SENP6: variants seen among roughly 807,000 people sequenced by gnomAD.
The protein encoded by SENP6 is sentrin-specific protease 6.
In SENP6, 41 loss-of-function variants were observed where a neutral mutation model predicts 134.5. The observed-to-expected ratio is 0.30, with a 90% CI of 0.24 to 0.40. SENP6 has a LOEUF of 0.40. SENP6 is among the 10% of genes least tolerant of loss of function. The pLI is 1.00. For synonymous variants in SENP6, 395 were observed against 429.8 expected (o/e 0.92, Z 1.00); for missense variants, 1,248 against 1,312.5 (o/e 0.95, Z 0.76).
intron 1 of SENP6, among the ~76,000 whole-genome samples, chr6:75,615,829 G>C (rs925027909): frequency 6.6e-6 from 1 of 152,194 alleles, no homozygotes; most frequent in Non-Finnish European, 1.5e-5. Context: ...CTGAGCCTGA[G>C]TTTTGATTTT....
chr6:75,706,462 G>A (rs1366288447), intron 19 of SENP6, among the ~76,000 whole-genome samples: 1 of 152,012 alleles, frequency 6.6e-6, no homozygotes. Flanking sequence ...AAAAGCCTAG[G>A]GTTTCATATA....
intron 1 of SENP6, among the ~76,000 whole-genome samples, chr6:75,604,294 A>G (rs1320506833): frequency 6.6e-6 from 1 of 152,230 alleles, no homozygotes; most frequent in African/African-American, 2.4e-5. Flanking sequence ...TGTCTTAAGC[A>G]TTTTTATAAA....
intron 7 of SENP6, among the ~76,000 whole-genome samples, chr6:75,658,562 A>C (rs925050651): frequency 1.3e-5 from 2 of 152,070 alleles, no homozygotes; most frequent in African/African-American, 4.8e-5. Context: ...GAGTTCATCA[A>C]ATCATTTAAA....
intron 3 of SENP6, among the ~76,000 whole-genome samples, chr6:75,629,590 A>G (rs1447782394): frequency 6.6e-6 from 1 of 152,134 alleles, no homozygotes; most frequent in Non-Finnish European, 1.5e-5. Flanking sequence ...GTGAGCCACC[A>G]TGCCCAGCCA....
At chr6:75,695,988 A>G in intron 17 of SENP6, 65 bp downstream of exon 17, 15 of 1,397,950 alleles carry the variant, frequency 1.1e-5, no homozygotes, top group Non-Finnish European at 1.4e-5. Flanking sequence ...GTGAAAAATC[A>G]CGTACTTGAA....
At chr6:75,702,566 AC>A (rs1775110398) in intron 18 of SENP6, 78 bp from the exon 19 acceptor site, 18 of 1,299,416 alleles carry the variant, frequency 1.4e-5, no homozygotes, top group Non-Finnish European at 1.9e-5. Context: ...TTAGAAAAAA[AC>A]ATTTTAATTG....
In SENP6 at chr6:75,621,616, C is replaced by T; in HGVS notation, c.137C>T (p.Thr46Ile). 2 of 1,591,990 alleles carry T rather than the reference C, an allele frequency of 1.3e-6. No individual in the cohort carries two copies. Among genetic ancestry groups the T allele is most frequent in the Admixed American group, 1.7e-5 (1 of 59,290 alleles). Reference sequence around the variant, plus strand: ...CATGAAGAAGAAAGTGAAGGAGATACAGATAAAGAGTAAGGATTTTTTTTT... The same window carrying T: ...CATGAAGAAGAAAGTGAAGGAGATATAGATAAAGAGTAAGGATTTTTTTTT... The part of the protein sequence containing the change: ...FDHEEESEGD[T>I]DKDGTNLLSV... Residue 46 changes from threonine (T) to isoleucine (I), a missense_variant, in exon 2 of 24, where the codon ACA (threonine) becomes ATA (isoleucine). Transcript: ENST00000447266.
At chr6:75,625,234 C>T (rs1768590834) in intron 3 of SENP6, among the ~76,000 whole-genome samples, 1 of 150,930 alleles carries the variant, frequency 6.6e-6, no homozygotes, top group Non-Finnish European at 1.5e-5. Context: ...GCCTCAGCCA[C>T]ACGAGTAGTT....
chr6:75,651,617 G>C (rs1046757741), intron 7 of SENP6, among the ~76,000 whole-genome samples: 2 of 152,152 alleles, frequency 1.3e-5, no homozygotes, highest in African/African-American at 4.8e-5. Flanking sequence ...CTCCCAAAGT[G>C]CTGGGATTAC....
chr6:75,613,127 A>G (rs1767589020), intron 1 of SENP6, among the ~76,000 whole-genome samples: 1 of 151,150 alleles, frequency 6.6e-6, no homozygotes, highest in Non-Finnish European at 1.5e-5. Context: ...AAAAAAAAAA[A>G]GAAAAGAAAA....
At position 75,707,403 on chromosome 6, in the gene SENP6, G is replaced by A. The variant is rs1582906656; in HGVS notation, c.2717-2124G>A. 4.7e-5 allele frequency among the ~76,000 whole-genome samples: 5 copies of A among 106,688 alleles called. No individual in the cohort carries two copies. The South Asian group carries it at 1.3e-3, about 27-fold the overall frequency. 70.0% of individuals were successfully genotyped at this position (106,688 alleles called of 152,430 possible). ...TTTTGAGACAGGGTCTCACTCTGTT[G>A]CCCAGGCTGGAATGCAGTGGCACAA... On this transcript the variant is annotated intron_variant, in intron 19 of 23. Coordinates refer to ENST00000447266, the MANE Select transcript of SENP6 (RefSeq NM_015571.4).
At chr6:75,609,542 A>G (rs1425730718) in intron 1 of SENP6, among the ~76,000 whole-genome samples, 1 of 152,144 alleles carries the variant, frequency 6.6e-6, no homozygotes, top group Non-Finnish European at 1.5e-5. Context: ...CTATACAGCC[A>G]TCTTTTCTCT....
At chr6:75,652,438 G>C (rs1052204920) in intron 7 of SENP6, among the ~76,000 whole-genome samples, 1 of 151,628 alleles carries the variant, frequency 6.6e-6, no homozygotes, top group Non-Finnish European at 1.5e-5. Flanking sequence ...GTACTGGTAC[G>C]TGCTTTTTAT....
At chr6:75,708,947 C>T (rs902552681) in intron 19 of SENP6, among the ~76,000 whole-genome samples, 9 of 152,218 alleles carry the variant, frequency 5.9e-5, no homozygotes, top group Admixed American at 4.6e-4. Flanking sequence ...GTAAATCTTA[C>T]ATTTCTTTGA....
intron 7 of SENP6, among the ~76,000 whole-genome samples, chr6:75,655,841 G>T (rs1186932040): frequency 2.0e-5 from 3 of 151,946 alleles, no homozygotes; most frequent in Non-Finnish European, 4.4e-5. Flanking sequence ...TATCGAACCT[G>T]TATATAGATC....
chr6:75,702,999 C>G lies in SENP6; in HGVS notation c.2643C>G (p.Ser881=). The G allele has an allele frequency of 6.2e-7, 1 of 1,613,682 alleles. No individual in the cohort carries two copies. Reference sequence around the variant, plus strand: ...AATTCAATAAAGGAGAATCTACATCCCAGAAAGTTGCTGATAGGACTAAAA... The same window carrying G: ...AATTCAATAAAGGAGAATCTACATCGCAGAAAGTTGCTGATAGGACTAAAA... ...NEEFNKGEST[S]QKVADRTKSE... Residue 881 remains serine, a synonymous_variant, in exon 19 of 24, where the codon TCC becomes TCG. Coordinates refer to ENST00000447266, the MANE Select transcript of SENP6 (RefSeq NM_015571.4).
chr6:75,663,335 A>G lies in SENP6; in HGVS notation c.811A>G (p.Thr271Ala). Reference sequence around the variant, plus strand: ...ACAGAAGTCACAAAACACAGGATTAACAACCAAGAAGTTTTATGGCAACAA... The same window carrying G: ...ACAGAAGTCACAAAACACAGGATTAGCAACCAAGAAGTTTTATGGCAACAA... ...GGQKSQNTGL[T>A]TKKFYGNNVE... Residue 271 changes from threonine to alanine, a missense_variant, in exon 9 of 24, where the codon ACA becomes GCA. Thr to Ala is a moderately conservative substitution (Grantham distance 58, BLOSUM62 0). Coordinates refer to ENST00000447266, the MANE Select transcript of SENP6 (RefSeq NM_015571.4). 1 of 1,613,876 alleles carries G rather than the reference A, an allele frequency of 6.2e-7. No individual in the cohort carries two copies. The highest frequency in any genetic ancestry group is 8.5e-7 in the Non-Finnish European group (1 of 1,179,864).
intron 16 of SENP6, among the ~76,000 whole-genome samples, chr6:75,685,483 C>T (rs1421968758): frequency 6.6e-6 from 1 of 152,068 alleles, no homozygotes; most frequent in Non-Finnish European, 1.5e-5. Context: ...GTTAGGGTGT[C>T]AATTTTAGAT....
At chr6:75,630,147 G>A (rs945025736) in intron 3 of SENP6, among the ~76,000 whole-genome samples, 10 of 149,984 alleles carry the variant, frequency 6.7e-5, no homozygotes, top group South Asian at 4.2e-4. Context: ...TCAGCTCACT[G>A]CAACTTCTGC....
Sources: allele counts gnomAD v4.1 joint callset (sites outside exome capture counted in the v4.1 genomes callset), GRCh38; gene constraint gnomAD v4.1.1; transcripts MANE v1.5; gene names NCBI Gene and HGNC (gene_info 2026-07-23, HGNC 2026-07-21).